The following WWOX variants were observed in gnomAD, a reference collection of about 807,000 sequenced individuals.
WWOX encodes WW domain-containing oxidoreductase.
Under a neutral mutation model 46.2 loss-of-function variants are expected in WWOX, and 69 were observed. That is an observed-to-expected ratio of 1.49 (90% CI 1.23 to 1.82). WWOX has a LOEUF of 1.82. Among genes scored for constraint, WWOX ranks in the 40% most tolerant of loss-of-function variants. The probability of loss-of-function intolerance (pLI) is 0.00; values close to 1 mark genes in which losing one functional copy is unlikely to be tolerated. For missense variants in WWOX, 919 were observed against 542.6 expected (o/e 1.69, Z -6.89); for synonymous variants, 359 against 202.6 (o/e 1.77, Z -6.56).
intron 8 of WWOX, among the ~76,000 whole-genome samples, chr16:79,152,613 G>A (rs1417719578): frequency 6.6e-6 from 1 of 151,712 alleles, no homozygotes; most frequent in Non-Finnish European, 1.5e-5. Context: ...AGAGGTTGCA[G>A]TGAGCCGAGA....
intron 7 of WWOX, among the ~76,000 whole-genome samples, chr16:78,428,737 A>T (rs1160760619): frequency 5.9e-5 from 9 of 152,166 alleles, no homozygotes; most frequent in Admixed American, 5.9e-4. Context: ...GTGTATGATG[A>T]TAGTGTATAC....
At chr16:78,787,265 C>G (rs1001052810) in intron 8 of WWOX, among the ~76,000 whole-genome samples, 1 of 152,154 alleles carries the variant, frequency 6.6e-6, no homozygotes, top group Non-Finnish European at 1.5e-5. Flanking sequence ...GCAGCCATTT[C>G]AGAACATTTT....
rs978744309 is a variant in WWOX at position 78,531,934 on chromosome 16, C to T, written c.1056+99182C>T. 2.6e-5 allele frequency among the ~76,000 whole-genome samples: 4 copies of T among 152,240 alleles called. No individual in the cohort carries two copies. The East Asian group carries it at 7.7e-4, about 29-fold the overall frequency. On this transcript the variant is annotated intron_variant, in intron 8 of 8. Coordinates refer to ENST00000566780, the MANE Select transcript of WWOX (RefSeq NM_016373.4). ...AATAACTTTTTCAGTCTCTTTCTCCCTTTCCCACCTTCCCAAAAGGGTGGG... is the reference window on the plus strand; with the variant it reads ...AATAACTTTTTCAGTCTCTTTCTCCTTTTCCCACCTTCCCAAAAGGGTGGG...
chr16:78,830,529 C>T (rs1361609949), intron 8 of WWOX, among the ~76,000 whole-genome samples: 4 of 151,962 alleles, frequency 2.6e-5, no homozygotes, highest in Admixed American at 6.6e-5. Flanking sequence ...ACCAGGGAAG[C>T]CTCCTTCCTC....
intron 8 of WWOX, among the ~76,000 whole-genome samples, chr16:78,888,081 T>A (rs1447651963): frequency 2.6e-5 from 4 of 152,230 alleles, no homozygotes; most frequent in African/African-American, 9.6e-5. Flanking sequence ...ATTTTATTTC[T>A]TAATGAATCA....
chr16:78,557,648 G>T (rs2151552614), intron 8 of WWOX, among the ~76,000 whole-genome samples: 1 of 147,924 alleles, frequency 6.8e-6, no homozygotes, highest in African/African-American at 2.6e-5. Flanking sequence ...TTTTCATTTT[G>T]CCCGGAAATG....
At chr16:78,592,774 G>T (rs1479974442) in intron 8 of WWOX, among the ~76,000 whole-genome samples, 1 of 152,134 alleles carries the variant, frequency 6.6e-6, no homozygotes, top group Non-Finnish European at 1.5e-5. Context: ...CTGGGCTGGG[G>T]TGGCCACTCC....
intron 8 of WWOX, among the ~76,000 whole-genome samples, chr16:78,673,003 T>C (rs562058392): frequency 6.6e-6 from 1 of 152,172 alleles, no homozygotes; most frequent in African/African-American, 2.4e-5. Flanking sequence ...TGTCAGAACT[T>C]GGAAATTTAA....
chr16:78,532,627 G>A (rs1256627531), intron 8 of WWOX, among the ~76,000 whole-genome samples: 1 of 152,124 alleles, frequency 6.6e-6, no homozygotes, highest in Non-Finnish European at 1.5e-5. Context: ...AAGGTTTATT[G>A]GACTTACAGT....
chr16:78,310,475 A>G (rs2080219305), intron 5 of WWOX, among the ~76,000 whole-genome samples: 2 of 152,236 alleles, frequency 1.3e-5, no homozygotes, highest in African/African-American at 2.4e-5. Context: ...CCAAATCACC[A>G]GATTGATGCC....
At chr16:79,122,232 A>G (rs753282266) in intron 8 of WWOX, among the ~76,000 whole-genome samples, 17 of 152,156 alleles carry the variant, frequency 1.1e-4, no homozygotes, top group Non-Finnish European at 2.2e-4. Flanking sequence ...TGTATACTAC[A>G]TTTCATCAGG....
At chr16:78,681,822 T>G (rs1271583269) in intron 8 of WWOX, among the ~76,000 whole-genome samples, 3 of 152,204 alleles carry the variant, frequency 2.0e-5, no homozygotes, top group Admixed American at 6.5e-5. Flanking sequence ...AGTCAGGGCT[T>G]CTTTTCTTCA....
rs141092928 is a variant in WWOX, at chr16:78,598,828, T to C, written c.1056+166076T>C. 5.3e-3 allele frequency among the ~76,000 whole-genome samples: 814 copies of C among 152,252 alleles called. 8 individuals are homozygous for C. The highest frequency in any genetic ancestry group is 0.018 in the African/African-American group (765 of 41,552). On this transcript the variant is annotated intron_variant, in intron 8 of 8. Coordinates refer to ENST00000566780, the MANE Select transcript of WWOX (RefSeq NM_016373.4). ...GTGAGACCTTATCTGGCCTCTTCAT[T>C]GTCCCCTTCATACAAATAGATAGCT...
chr16:78,688,745 G>A (rs1487180152), intron 8 of WWOX, among the ~76,000 whole-genome samples: 1 of 152,126 alleles, frequency 6.6e-6, no homozygotes, highest in African/African-American at 2.4e-5. Context: ...TAGTGATAGG[G>A]TTCGGCTGTG....
At chr16:78,789,041 T>G (rs187644563) in intron 8 of WWOX, among the ~76,000 whole-genome samples, 2 of 152,238 alleles carry the variant, frequency 1.3e-5, no homozygotes, top group East Asian at 3.9e-4. Context: ...TGATATCATC[T>G]CGTGATGCAC....
At chr16:78,985,334 G>A (rs377647947) in intron 8 of WWOX, among the ~76,000 whole-genome samples, 2 of 152,204 alleles carry the variant, frequency 1.3e-5, no homozygotes, top group Non-Finnish European at 2.9e-5. Flanking sequence ...CCACCGGCAC[G>A]CAGGGTGTTG....
At chr16:78,701,156 A>C (rs2048207780) in intron 8 of WWOX, among the ~76,000 whole-genome samples, 1 of 152,162 alleles carries the variant, frequency 6.6e-6, no homozygotes, top group Admixed American at 6.5e-5. Context: ...TACATAAAGC[A>C]CTTATAACAG....
At chr16:78,597,654 T>C (rs191263422) in intron 8 of WWOX, among the ~76,000 whole-genome samples, 1 of 152,128 alleles carries the variant, frequency 6.6e-6, no homozygotes, top group Non-Finnish European at 1.5e-5. Flanking sequence ...CTTGCTTTTA[T>C]GCTTTCCAAA....
chr16:78,460,859 A>C (rs1353254253), intron 8 of WWOX, among the ~76,000 whole-genome samples: 2 of 152,234 alleles, frequency 1.3e-5, no homozygotes, highest in African/African-American at 2.4e-5. Flanking sequence ...AGGACACATC[A>C]CTTGCACCTC....
Sources: gnomAD v4.1 joint callset for allele counts (sites outside exome capture counted in the v4.1 genomes callset) on GRCh38, gnomAD v4.1.1 for gene constraint, MANE v1.5 for transcripts, NCBI Gene and HGNC (gene_info 2026-07-23, HGNC 2026-07-21) for gene names.